GDAP2: variants seen among roughly 807,000 people sequenced by gnomAD.
The protein encoded by GDAP2 is ganglioside-induced differentiation-associated protein 2.
In GDAP2, 51 loss-of-function variants were observed where a neutral mutation model predicts 67.0. The ratio of observed to expected loss-of-function variants is 0.76; its 90% CI spans 0.61 to 0.96. GDAP2 has a LOEUF of 0.96. Ranked by LOEUF, GDAP2 falls within the 40% of genes least tolerant of loss-of-function variation. The pLI, the probability that GDAP2 is intolerant of heterozygous loss-of-function variation, is 0.00. For synonymous variants in GDAP2, 203 were observed against 207.3 expected (o/e 0.98, Z 0.18); for missense variants, 547 against 588.3 (o/e 0.93, Z 0.73).
chr1:117,901,070 T>G (rs1396085600), intron 6 of GDAP2, among the ~76,000 whole-genome samples: 2 of 152,068 alleles, frequency 1.3e-5, no homozygotes, highest in African/African-American at 2.4e-5. Flanking sequence ...AAAAAATAAA[T>G]AATAAATAAA....
chr1:117,881,757 A>C (rs1648654020), intron 12 of GDAP2, 66 bp downstream of exon 12: 3 of 842,210 alleles, frequency 3.6e-6, no homozygotes, highest in South Asian at 2.7e-5. Context: ...CTGAGCTATT[A>C]TCTTAATACT....
chr1:117,922,979 A>G (rs1650310369), intron 1 of GDAP2, among the ~76,000 whole-genome samples: 1 of 152,206 alleles, frequency 6.6e-6, no homozygotes, highest in African/African-American at 2.4e-5. Context: ...CTGGGAATGC[A>G]TTCTTTTCCC....
intron 6 of GDAP2, among the ~76,000 whole-genome samples, chr1:117,903,264 A>G (rs1378999092): frequency 6.6e-6 from 1 of 151,928 alleles, no homozygotes; most frequent in Non-Finnish European, 1.5e-5. Flanking sequence ...GGTGCTTTTT[A>G]TCTCTTTTTC....
intron 5 of GDAP2, among the ~76,000 whole-genome samples, chr1:117,910,889 C>A (rs1274172346): frequency 6.6e-6 from 1 of 152,188 alleles, no homozygotes; most frequent in Non-Finnish European, 1.5e-5. Flanking sequence ...TGATGAGGAT[C>A]TGTAAACTTC....
chr1:117,883,031 T>C (rs1648709989), intron 11 of GDAP2: 1 of 152,402 alleles, frequency 6.6e-6, no homozygotes, highest in African/African-American at 2.4e-5. Context: ...AATAATTTTC[T>C]AGCTCCAAGT....
intron 8 of GDAP2, among the ~76,000 whole-genome samples, chr1:117,891,845 T>G (rs1354338703): frequency 5.3e-5 from 8 of 152,154 alleles, no homozygotes; most frequent in Admixed American, 5.2e-4. Flanking sequence ...TCCACAGGTT[T>G]CAGAATTTTT....
chr1:117,912,122 T>A lies in GDAP2; in HGVS notation c.471-40A>T, dbSNP rs764017296. The A allele has an allele frequency of 6.3e-6, 7 of 1,106,414 alleles. 1 individual carries two copies. In the South Asian group the frequency reaches 8.7e-5, roughly 14 times the overall value. The allele number at this position is 1,106,414 out of a possible 1,614,324, so 68.5% of individuals were successfully genotyped here. A position where few individuals can be genotyped will look rare whatever the true frequency, so the allele number is the denominator to read the frequency against. On this transcript the variant is annotated intron_variant, in intron 4 of 13. Transcript: ENST00000369443. The stretch of plus-strand genomic sequence containing the variant: ...AAACACAAAAATTGCACTAGAAATA[T>A]CAGTAATACATACACAACAATATAT...
intron 6 of GDAP2, among the ~76,000 whole-genome samples, chr1:117,901,114 G>A (rs1371741024): frequency 6.6e-6 from 1 of 152,152 alleles, no homozygotes; most frequent in African/African-American, 2.4e-5. Flanking sequence ...GGCATTTTGT[G>A]TCTGGTTTCT....
chr1:117,924,638 C>T (rs999345133), intron 1 of GDAP2, among the ~76,000 whole-genome samples: 1 of 152,086 alleles, frequency 6.6e-6, no homozygotes, highest in African/African-American at 2.4e-5. Context: ...CACTGCGGAA[C>T]AGGAAATGTG....
At chr1:117,920,719 C>T (rs1363231911) in intron 1 of GDAP2, among the ~76,000 whole-genome samples, 1 of 149,188 alleles carries the variant, frequency 6.7e-6, no homozygotes, top group Non-Finnish European at 1.5e-5. Context: ...ATTCAACATT[C>T]ACTGAGTGCC....
At position 117,865,703 on chromosome 1, in the gene GDAP2, C is replaced by A. The variant is rs1200226399; in HGVS notation, c.*4866G>T. On this transcript the variant is annotated 3_prime_UTR_variant, in exon 14 of 14. Coordinates refer to ENST00000369443, the MANE Select transcript of GDAP2 (RefSeq NM_017686.4). ...TGATTTTGTTAGTGTAATTCACCTA[C>A]AGAATACCTATGCTTTTCTTCCTGA... is the stretch of plus-strand genomic sequence containing the variant. 6.6e-6 allele frequency: 1 copy of A among 152,204 alleles called. No individual in the cohort carries two copies. The highest frequency in any genetic ancestry group is 1.5e-5 in the Non-Finnish European group (1 of 68,040). The allele number at this position is 152,204 out of a possible 1,614,324, so 9.4% of individuals were successfully genotyped here.
In GDAP2 at chr1:117,890,786, A is replaced by G. The variant is rs573056393; in HGVS notation, c.954-3012T>C. ...TTGTTTGTTTCTAACTATTTAAAAA[A>G]GCTTATCATGCTGTATGTAATCTCT... is the stretch of plus-strand genomic sequence containing the variant. On this transcript the variant is annotated intron_variant, in intron 8 of 13. Transcript: ENST00000369443. Among the ~76,000 whole-genome samples the G allele has an allele frequency of 5.9e-5, 9 of 152,222 alleles. No homozygotes were observed. The East Asian group carries it at 1.7e-3, about 29-fold the overall frequency.
At chr1:117,903,460 T>C (rs1649550548) in intron 6 of GDAP2, among the ~76,000 whole-genome samples, 1 of 152,212 alleles carries the variant, frequency 6.6e-6, no homozygotes, top group Admixed American at 6.5e-5. Context: ...ATTCCTAGTT[T>C]GTTGACTGTT....
chr1:117,923,940 T>C (rs948067238), intron 1 of GDAP2, among the ~76,000 whole-genome samples: 1 of 152,238 alleles, frequency 6.6e-6, no homozygotes, highest in Admixed American at 6.5e-5. Context: ...TTCTGTAAAA[T>C]TTATCTGCTG....
chr1:117,886,796 A>G (rs1365856026), intron 9 of GDAP2, 143 bp from the exon 10 acceptor site: 1 of 565,826 alleles, frequency 1.8e-6, no homozygotes, highest in Non-Finnish European at 3.1e-6. Flanking sequence ...TTCATCTTCC[A>G]ATTTTTTTTC....
chr1:117,912,496 G>T (rs1649891534), intron 4 of GDAP2, 34 bp downstream of exon 4: 3 of 1,580,890 alleles, frequency 1.9e-6, no homozygotes, highest in Non-Finnish European at 1.7e-6. Context: ...AACAATGTAT[G>T]ATATGCTATG....
chr1:117,877,262 C>T (rs1557794038), intron 13 of GDAP2: 3 of 945,710 alleles, frequency 3.2e-6, no homozygotes, highest in Non-Finnish European at 3.8e-6. Flanking sequence ...AAACACTGCA[C>T]AATAATTAGG....
At chr1:117,918,467 TTTA>T (rs1650124414) in intron 3 of GDAP2, 127 bp downstream of exon 3, 2 of 650,554 alleles carry the variant, frequency 3.1e-6, no homozygotes, top group Admixed American at 2.9e-5. Context: ...AAAAGCAGTT[TTTA>T]TTTAGTTTTA....
chr1:117,897,035 A>C (rs1185481715), intron 7 of GDAP2, 46 bp from the exon 8 acceptor site: 7 of 1,367,744 alleles, frequency 5.1e-6, no homozygotes, highest in Non-Finnish European at 7.1e-6. Flanking sequence ...TGCTAAAACT[A>C]GATAGTAAAC....
Sources: allele counts gnomAD v4.1 joint callset (sites outside exome capture counted in the v4.1 genomes callset), GRCh38; gene constraint gnomAD v4.1.1; transcripts MANE v1.5; gene names NCBI Gene and HGNC (gene_info 2026-07-23, HGNC 2026-07-21).